Variants in LECT2 observed in about 807,000 individuals in gnomAD.
The protein encoded by LECT2 is leukocyte cell-derived chemotaxin-2.
LECT2 carries 11 observed loss-of-function variants against 16.6 expected under a neutral mutation model. That is an observed-to-expected ratio of 0.66 (90% CI 0.42 to 1.09). The LOEUF (loss-of-function observed/expected upper bound fraction) is 1.09. Among genes scored for constraint, LECT2 ranks in the 50% least tolerant of loss-of-function variants. The pLI, the probability that LECT2 is intolerant of heterozygous loss-of-function variation, is 0.00. For missense variants in LECT2, 173 were observed against 184.2 expected, an observed-to-expected ratio of 0.94 and a Z score of 0.35; for synonymous variants, 54 against 64.8, an observed-to-expected ratio of 0.83 and a Z score of 0.80.
At chr5:135,954,747 TA>T in intron 1 of LECT2, 40 bp downstream of exon 1, 1 of 1,468,658 alleles carries the variant, frequency 6.8e-7, no homozygotes, top group Non-Finnish European at 9.5e-7. Flanking sequence ...AATCAGTTTT[TA>T]AAAGTTAATC....
chr5:135,947,863 A>G (rs1034693456), intron 3 of LECT2, among the ~76,000 whole-genome samples: 8 of 152,362 alleles, frequency 5.3e-5, no homozygotes, highest in Non-Finnish European at 1.0e-4. Flanking sequence ...CTAAATATCA[A>G]AAGAATTAAA....
rs934149984 is a variant in LECT2, at chr5:135,950,999, C to T, written c.289+224G>A. On this transcript the variant is annotated intron_variant, in intron 3 of 3. Transcript: ENST00000274507. Reference sequence around the variant, plus strand: ...TAATCTGTACACCAAATGTCTGTGACATGTGGTTTACCTATATAACAAATG... The same window carrying T: ...TAATCTGTACACCAAATGTCTGTGATATGTGGTTTACCTATATAACAAATG... The T allele has an allele frequency of 2.9e-5, 16 of 557,042 alleles. No homozygotes were observed. The East Asian group carries it at 4.5e-4, about 16-fold the overall frequency. The allele number at this position is 557,042 out of a possible 1,614,324, so 34.5% of individuals were successfully genotyped here.
chr5:135,954,851 A>T lies in LECT2; in HGVS notation c.-18T>A, dbSNP rs1310326270. The stretch of plus-strand genomic sequence containing the variant: ...GAAAACATCTGGTTTTACTTCCTTT[A>T]GTTTCTTCCTCTGATTAGAGTTGCC... On this transcript the variant is annotated 5_prime_UTR_variant, in exon 1 of 4. Transcript: ENST00000274507. The T allele has an allele frequency of 1.2e-6, 2 of 1,602,918 alleles. No homozygotes were observed. The highest frequency in any genetic ancestry group is 2.7e-5 in the African/African-American group (2 of 74,730).
chr5:135,951,222 C>A lies in LECT2; in HGVS notation c.289+1G>T, dbSNP rs1763788706. 1 of 1,613,896 alleles carries A rather than the reference C, an allele frequency of 6.2e-7. No homozygotes were observed. The highest frequency in any genetic ancestry group is 1.3e-5 in the African/African-American group (1 of 74,878). ...CCAGGTGTAGACTCCACCTCTCTTACCTCTTCCAGATATTCGAACACCATT... is the reference window on the plus strand; with the variant it reads ...CCAGGTGTAGACTCCACCTCTCTTAACTCTTCCAGATATTCGAACACCATT... On this transcript the variant is annotated splice_donor_variant, in intron 3 of 3. Coordinates refer to ENST00000274507, the MANE Select transcript of LECT2 (RefSeq NM_002302.3). LOFTEE classifies it high-confidence loss of function.
rs956327507 is a variant in LECT2, at chr5:135,954,722, T to A, written c.46+66A>T. ...TGCTATTAATGACTTTTTAATCTTT[T>A]TAGTCTTCCCCTGAAATCAGTTTTT... On this transcript the variant is annotated intron_variant, in intron 1 of 3. Coordinates refer to ENST00000274507, the MANE Select transcript of LECT2 (RefSeq NM_002302.3). 3 of 1,156,490 alleles carry A rather than the reference T, an allele frequency of 2.6e-6. No individual in the cohort carries two copies. In the African/African-American group the frequency reaches 4.6e-5, roughly 18 times the overall value. 71.6% of individuals were successfully genotyped at this position (1,156,490 alleles called of 1,614,324 possible).
chr5:135,951,650 TGGG>T (rs747159991), intron 2 of LECT2: 30 of 321,576 alleles, frequency 9.3e-5, no homozygotes, highest in Non-Finnish European at 1.4e-4. Flanking sequence ...TATGGCATGT[TGGG>T]GGAATGAGGC....
chr5:135,948,793 G>C (rs772562534), intron 3 of LECT2, among the ~76,000 whole-genome samples: 2 of 151,690 alleles, frequency 1.3e-5, no homozygotes, highest in Non-Finnish European at 2.9e-5. Flanking sequence ...TCCTGCCTCA[G>C]CCTCCTGAGT....
At chr5:135,948,455 A>G (rs1763733936) in intron 3 of LECT2, among the ~76,000 whole-genome samples, 1 of 152,146 alleles carries the variant, frequency 6.6e-6, no homozygotes, top group Non-Finnish European at 1.5e-5. Flanking sequence ...GTTATGCAGC[A>G]CTTGAAAGGT....
intron 2 of LECT2, among the ~76,000 whole-genome samples, chr5:135,952,522 C>T (rs958463014): frequency 6.6e-6 from 1 of 152,162 alleles, no homozygotes; most frequent in African/African-American, 2.4e-5. Context: ...TCCCTTAACC[C>T]TTTGGTACCT....
chr5:135,954,174 T>C (rs997441860), intron 1 of LECT2, among the ~76,000 whole-genome samples: 3 of 152,250 alleles, frequency 2.0e-5, no homozygotes, highest in Admixed American at 6.5e-5. Context: ...ACCTATCCTG[T>C]GAAGAGAACC....
chr5:135,951,408 T>A (rs776652664), intron 2 of LECT2, 40 bp from the exon 3 acceptor site: 30 of 1,579,010 alleles, frequency 1.9e-5, no homozygotes, highest in Non-Finnish European at 2.2e-5. Context: ...AGGAACTGCC[T>A]TAGGGGAGCT....
intron 1 of LECT2, among the ~76,000 whole-genome samples, chr5:135,953,699 TC>T (rs1390292559): frequency 1.3e-5 from 2 of 152,194 alleles, no homozygotes; most frequent in African/African-American, 4.8e-5. Context: ...AATGGTTAGT[TC>T]CACTAATCAA....
Position 135,952,882 on chromosome 5 carries a change from G to A in LECT2, c.132C>T (p.Tyr44=). ...GTGCAACTTCATACCTTTGAGCAGA[G>A]TACTGTCCACAGCCATGGCGGTCAC... is the stretch of plus-strand genomic sequence containing the variant. ...RTCDRHGCGQ[Y]SAQRSQRPHQ... is the part of the protein sequence containing the mutation. Residue 44 remains tyrosine, a synonymous_variant, in exon 2 of 4, where the codon TAC becomes TAT. Coordinates refer to ENST00000274507, the MANE Select transcript of LECT2 (RefSeq NM_002302.3). The A allele has an allele frequency of 1.2e-6, 2 of 1,612,464 alleles. No individual in the cohort carries two copies. Among genetic ancestry groups the A allele is most frequent in the Non-Finnish European group, 1.7e-6 (2 of 1,178,468 alleles).
intron 3 of LECT2, 30 bp from the exon 4 acceptor site, chr5:135,947,527 TG>T: frequency 6.6e-7 from 1 of 1,513,284 alleles, no homozygotes; most frequent in African/African-American, 1.4e-5. Flanking sequence ...ATTATTTATC[TG>T]GGCTTCAGTA....
intron 3 of LECT2, among the ~76,000 whole-genome samples, chr5:135,948,885 C>G (rs1306693364): frequency 6.6e-6 from 1 of 152,078 alleles, no homozygotes; most frequent in Non-Finnish European, 1.5e-5. Flanking sequence ...CCGTGTTAGC[C>G]AGGATGGTCT....
intron 1 of LECT2, among the ~76,000 whole-genome samples, chr5:135,954,444 T>C (rs1184289665): frequency 2.0e-5 from 3 of 152,234 alleles, no homozygotes; most frequent in Non-Finnish European, 4.4e-5. Flanking sequence ...TTAGTATCTG[T>C]ATCAGAATTT....
At chr5:135,948,354 T>TA (rs902010277) in intron 3 of LECT2, among the ~76,000 whole-genome samples, 9 of 152,128 alleles carry the variant, frequency 5.9e-5, no homozygotes, top group African/African-American at 2.2e-4. Flanking sequence ...GAGACTTTGA[T>TA]ACACTAGTGG....
chr5:135,954,257 G>A (rs1029146291), intron 1 of LECT2, among the ~76,000 whole-genome samples: 7 of 152,152 alleles, frequency 4.6e-5, no homozygotes, highest in Admixed American at 3.3e-4. Flanking sequence ...TTATGCCTTG[G>A]AGCCAAGCTC....
chr5:135,953,162 G>GC (rs1763819109), intron 1 of LECT2, 195 bp from the exon 2 acceptor site: 2 of 550,034 alleles, frequency 3.6e-6, no homozygotes, highest in Middle Eastern at 2.9e-4. Flanking sequence ...TTTTTCCCTG[G>GC]CCACAGAATT....
Sources: gnomAD v4.1 joint callset for allele counts (sites outside exome capture counted in the v4.1 genomes callset) on GRCh38, gnomAD v4.1.1 for gene constraint, MANE v1.5 for transcripts, NCBI Gene and HGNC (gene_info 2026-07-23, HGNC 2026-07-21) for gene names.